The following RBFOX1 variants were observed in gnomAD, a reference collection of about 807,000 sequenced individuals.
RBFOX1 encodes RNA binding fox-1 homolog 1.
A neutral mutation model predicts 57.7 loss-of-function variants in RBFOX1; 8 were observed. The ratio of observed to expected loss-of-function variants is 0.14; its 90% CI spans 0.08 to 0.25. RBFOX1 has a LOEUF of 0.25. RBFOX1 is among the 10% of genes least tolerant of loss of function. RBFOX1 has a pLI of 1.00. For missense variants in RBFOX1, 611 were observed against 548.5 expected (o/e 1.11, Z -1.14); for synonymous variants, 326 against 222.4 (o/e 1.47, Z -4.15).
rs2098634479 is a variant in RBFOX1, at chr16:6,654,771, A to G, written c.-16+121A>G. 4.4e-5 allele frequency: 29 copies of G among 652,376 alleles called. No homozygotes were observed. In the East Asian group the frequency reaches 8.3e-4, roughly 19 times the overall value. The allele number at this position is 652,376 out of a possible 1,614,324, so 40.4% of individuals were successfully genotyped here. ...TTTTAGGTGATTCACGGTCTATGAC[A>G]TATTTAAAGACAATCAGACTTAAAA... On this transcript the variant is annotated intron_variant, in intron 3 of 15. Coordinates refer to ENST00000550418, the MANE Select transcript of RBFOX1 (RefSeq NM_018723.4).
At chr16:6,138,337 C>A (rs776406697) in intron 1 of RBFOX1, among the ~76,000 whole-genome samples, 2 of 152,160 alleles carry the variant, frequency 1.3e-5, no homozygotes, top group Non-Finnish European at 2.9e-5. Context: ...GTAGCCAGTT[C>A]CAATACCATT....
At chr16:6,494,860 A>G (rs1414748067) in intron 2 of RBFOX1, among the ~76,000 whole-genome samples, 1 of 152,212 alleles carries the variant, frequency 6.6e-6, no homozygotes, top group East Asian at 1.9e-4. Context: ...CTAAATGCAG[A>G]GAATAGCCAG....
intron 4 of RBFOX1, among the ~76,000 whole-genome samples, chr16:7,356,416 C>G (rs1156561524): frequency 1.3e-5 from 2 of 152,092 alleles, no homozygotes; most frequent in Non-Finnish European, 2.9e-5. Flanking sequence ...GAACTGAAAG[C>G]AAGAAGGAGC....
In RBFOX1 at chr16:6,101,001, T is replaced by C. The variant is rs572827827; in HGVS notation, c.-127+81009T>C. 7.9e-5 allele frequency among the ~76,000 whole-genome samples: 12 copies of C among 152,268 alleles called. No individual in the cohort carries two copies. The South Asian group carries it at 2.3e-3, about 29-fold the overall frequency. The stretch of plus-strand genomic sequence containing the variant: ...CAGCCTCCTATTCTAAAGGTACAGG[T>C]TCCTCCTATAGAGTTTTAGGGTCAG... On this transcript the variant is annotated intron_variant, in intron 1 of 15. Coordinates refer to ENST00000550418, the MANE Select transcript of RBFOX1 (RefSeq NM_018723.4).
chr16:6,329,404 C>G (rs943772828), intron 2 of RBFOX1, among the ~76,000 whole-genome samples: 5 of 152,174 alleles, frequency 3.3e-5, no homozygotes, highest in Non-Finnish European at 7.3e-5. Context: ...CATGCAAAAG[C>G]TGGAGCTGAG....
At chr16:6,507,076 A>G (rs2096119166) in intron 2 of RBFOX1, among the ~76,000 whole-genome samples, 1 of 151,774 alleles carries the variant, frequency 6.6e-6, no homozygotes, top group Middle Eastern at 3.4e-3. Flanking sequence ...TTCAAATCCT[A>G]CCTCCAAGGT....
At chr16:7,150,660 A>C (rs901748610) in intron 4 of RBFOX1, among the ~76,000 whole-genome samples, 1 of 152,218 alleles carries the variant, frequency 6.6e-6, no homozygotes, top group Non-Finnish European at 1.5e-5. Context: ...AGGAAGAATT[A>C]TTGAAAAGTA....
At chr16:6,779,559 G>A in intron 3 of RBFOX1, among the ~76,000 whole-genome samples, 1 of 149,482 alleles carries the variant, frequency 6.7e-6, no homozygotes, top group South Asian at 2.1e-4. Flanking sequence ...AATTATGTTA[G>A]TGTTAGTTTT....
chr16:7,375,821 A>T (rs906677311), intron 4 of RBFOX1, among the ~76,000 whole-genome samples: 2 of 152,206 alleles, frequency 1.3e-5, no homozygotes, highest in Non-Finnish European at 2.9e-5. Context: ...CTTTGTAATT[A>T]AGACACTAGC....
At chr16:6,708,916 C>T (rs1460106024) in intron 3 of RBFOX1, among the ~76,000 whole-genome samples, 1 of 151,976 alleles carries the variant, frequency 6.6e-6, no homozygotes, top group Non-Finnish European at 1.5e-5. Flanking sequence ...ATTGCGTCCC[C>T]AACAGCTTAA....
chr16:6,335,504 G>A (rs1425718607), intron 2 of RBFOX1, among the ~76,000 whole-genome samples: 2 of 152,112 alleles, frequency 1.3e-5, no homozygotes, highest in East Asian at 3.9e-4. Flanking sequence ...ATCAGGCCGG[G>A]CGCGGTGGTT....
chr16:7,545,576 G>A (rs1378726071), intron 5 of RBFOX1, among the ~76,000 whole-genome samples: 2 of 152,172 alleles, frequency 1.3e-5, no homozygotes, highest in African/African-American at 2.4e-5. Context: ...GAATGCTACT[G>A]CGGCTGTTTT....
intron 4 of RBFOX1, among the ~76,000 whole-genome samples, chr16:7,436,262 C>T (rs921136568): frequency 1.3e-5 from 2 of 152,054 alleles, no homozygotes; most frequent in African/African-American, 4.8e-5. Context: ...GAGCATCTTT[C>T]CTATGGGTGG....
intron 2 of RBFOX1, among the ~76,000 whole-genome samples, chr16:6,612,474 A>C (rs2098075801): frequency 6.6e-6 from 1 of 152,212 alleles, no homozygotes; most frequent in Non-Finnish European, 1.5e-5. Flanking sequence ...GTGTACTTAC[A>C]GCACAAACTA....
intron 3 of RBFOX1, among the ~76,000 whole-genome samples, chr16:6,889,845 A>T (rs879651653): frequency 5.3e-5 from 8 of 152,248 alleles, no homozygotes; most frequent in Non-Finnish European, 1.2e-4. Context: ...AGCAGGAAAC[A>T]AGATTGAATC....
intron 4 of RBFOX1, among the ~76,000 whole-genome samples, chr16:7,489,720 T>TA (rs1028685112): frequency 6.6e-6 from 1 of 151,726 alleles, no homozygotes; most frequent in Non-Finnish European, 1.5e-5. Context: ...TTTTTTTTTT[T>TA]ATGTTGTTCC....
chr16:6,210,361 C>CAAAAAAAAAAAAAAAAA (rs3064933), intron 1 of RBFOX1, among the ~76,000 whole-genome samples: 4 of 61,450 alleles, frequency 6.5e-5, no homozygotes, highest in Non-Finnish European at 1.4e-4. Flanking sequence ...AAAAAAACAC[C>CAAAAAAAAAAAAAAAAA]AAAAAAAAAA....
chr16:6,304,565 T>G (rs1442728909), intron 1 of RBFOX1, among the ~76,000 whole-genome samples: 1 of 152,044 alleles, frequency 6.6e-6, no homozygotes, highest in East Asian at 1.9e-4. Context: ...AATGATCTAC[T>G]CAGAGGGGAG....
At chr16:6,586,612 C>T (rs904962598) in intron 2 of RBFOX1, among the ~76,000 whole-genome samples, 1 of 152,150 alleles carries the variant, frequency 6.6e-6, no homozygotes, top group Non-Finnish European at 1.5e-5. Context: ...TACTTCTTCC[C>T]ACATTACACA....
Sources: gnomAD v4.1 joint callset for allele counts (sites outside exome capture counted in the v4.1 genomes callset) on GRCh38, gnomAD v4.1.1 for gene constraint, MANE v1.5 for transcripts, NCBI Gene and HGNC (gene_info 2026-07-23, HGNC 2026-07-21) for gene names.